Variants in DAB1 observed in about 807,000 individuals in gnomAD.
DAB1 encodes the protein disabled homolog 1.
A neutral mutation model predicts 64.6 loss-of-function variants in DAB1; 15 were observed. The observed-to-expected ratio is 0.23, with a 90% CI of 0.16 to 0.36. The LOEUF is 0.36. Ranked by LOEUF, DAB1 falls within the 10% of genes least tolerant of loss-of-function variation. The pLI is 1.00. For missense variants in DAB1, 596 were observed against 706.7 expected (o/e 0.84, Z 1.78); for synonymous variants, 235 against 251.9 (o/e 0.93, Z 0.64).
At chr1:57,305,242 G>A (rs142316273) in intron 1 of DAB1, among the ~76,000 whole-genome samples, 2 of 152,254 alleles carry the variant, frequency 1.3e-5, no homozygotes, top group African/African-American at 4.8e-5. Context: ...AGACCAGGAG[G>A]GAACCCTGTA....
chr1:58,160,554 C>G (rs1367345433), intron 4 of DAB1, among the ~76,000 whole-genome samples: 1 of 152,126 alleles, frequency 6.6e-6, no homozygotes, highest in African/African-American at 2.4e-5. Flanking sequence ...CAGCCAGATA[C>G]ACACGGGCTG....
chr1:57,179,181 A>G (rs569968490), intron 2 of DAB1, among the ~76,000 whole-genome samples: 1 of 152,146 alleles, frequency 6.6e-6, no homozygotes, highest in South Asian at 2.1e-4. Flanking sequence ...GGATTAGGAA[A>G]GAGGTCTACA....
intron 5 of DAB1, among the ~76,000 whole-genome samples, chr1:58,140,617 T>G (rs2100713954): frequency 6.6e-6 from 1 of 152,216 alleles, no homozygotes; most frequent in South Asian, 2.1e-4. Context: ...ATTTTGCCCT[T>G]CCCTGTTTAA....
intron 1 of DAB1, among the ~76,000 whole-genome samples, chr1:58,535,143 G>A (rs1309041952): frequency 1.3e-5 from 2 of 152,120 alleles, no homozygotes; most frequent in Non-Finnish European, 2.9e-5. Flanking sequence ...CAGAACTAAT[G>A]AGCATTATCA....
intron 4 of DAB1, among the ~76,000 whole-genome samples, chr1:58,174,947 A>G (rs1483762525): frequency 6.6e-6 from 1 of 152,230 alleles, no homozygotes; most frequent in African/African-American, 2.4e-5. Flanking sequence ...GTCTAGCTAA[A>G]GGACTGTAAA....
chr1:58,070,396 C>T (rs1649159663), intron 5 of DAB1, among the ~76,000 whole-genome samples: 1 of 152,152 alleles, frequency 6.6e-6, no homozygotes, highest in Non-Finnish European at 1.5e-5. Context: ...ATCACAACAA[C>T]CCCATGAGAG....
chr1:58,229,137 T>TC (rs1396988414), intron 4 of DAB1: 1 of 168,410 alleles, frequency 5.9e-6, no homozygotes, highest in Non-Finnish European at 1.3e-5. Context: ...TGATTATTAC[T>TC]CTTTTTTTTC....
intron 3 of DAB1, among the ~76,000 whole-genome samples, chr1:58,398,144 A>G (rs1327145116): frequency 6.6e-6 from 1 of 152,092 alleles, no homozygotes; most frequent in African/African-American, 2.4e-5. Context: ...TCCCCACATA[A>G]AAGCATGCAG....
intron 2 of DAB1, among the ~76,000 whole-genome samples, chr1:58,525,555 G>A (rs376299508): frequency 7.2e-5 from 11 of 151,796 alleles, no homozygotes; most frequent in African/African-American, 2.7e-4. Context: ...AAAACATCGA[G>A]AAAAATTAAA....
At chr1:57,481,421 A>G (rs891986719) in intron 7 of DAB1, among the ~76,000 whole-genome samples, 8 of 152,124 alleles carry the variant, frequency 5.3e-5, no homozygotes, top group Non-Finnish European at 8.8e-5. Context: ...TTATTCACAT[A>G]TATTCTTCTG....
intron 1 of DAB1, chr1:58,530,759 ATTT>A: frequency 1.2e-6 from 1 of 862,660 alleles, no homozygotes; most frequent in Non-Finnish European, 2.0e-6. Flanking sequence ...TAAAAACTAC[ATTT>A]TATACATTGA....
chr1:58,068,952 G>A (rs894322596), intron 5 of DAB1, among the ~76,000 whole-genome samples: 1 of 152,052 alleles, frequency 6.6e-6, no homozygotes, highest in Non-Finnish European at 1.5e-5. Context: ...TGGGCTTCAC[G>A]AGGCTTTCAG....
intron 3 of DAB1, among the ~76,000 whole-genome samples, chr1:58,385,106 A>G (rs1644422158): frequency 6.6e-6 from 1 of 152,268 alleles, no homozygotes; most frequent in African/African-American, 2.4e-5. Context: ...CACACAAACA[A>G]CAACAAAAAA....
chr1:57,050,001 TG>T (rs2100521654), intron 9 of DAB1, among the ~76,000 whole-genome samples: 1 of 152,240 alleles, frequency 6.6e-6, no homozygotes, highest in East Asian at 1.9e-4. Context: ...CACTGGGCAG[TG>T]CTCTCTCTCT....
chr1:57,847,499 C>T (rs75743337), intron 1 of DAB1, among the ~76,000 whole-genome samples: 2,739 of 152,068 alleles, frequency 0.018, 79 homozygotes, highest in African/African-American at 0.063. Context: ...CCATATGCTG[C>T]TTACAAAAGA....
chr1:57,925,385 G>A (rs1424378794), intron 5 of DAB1, among the ~76,000 whole-genome samples: 1 of 152,060 alleles, frequency 6.6e-6, no homozygotes, highest in Non-Finnish European at 1.5e-5. Context: ...GCATGCAATG[G>A]GTCACACTTG....
chr1:58,092,934 G>C (rs1200490889), intron 5 of DAB1, among the ~76,000 whole-genome samples: 1 of 152,166 alleles, frequency 6.6e-6, no homozygotes, highest in Non-Finnish European at 1.5e-5. Context: ...TCTGCAGCCA[G>C]AGTAACGTTT....
At chr1:57,885,876 A>G (rs1385675184), upstream of DAB1, among the ~76,000 whole-genome samples, 1 of 152,246 alleles carries the variant, frequency 6.6e-6, no homozygotes, top group African/African-American at 2.4e-5. Context: ...GGAAAAAGTT[A>G]TGATGACTAA....
chr1:57,573,928 CTTGA>C (rs1645220190), intron 7 of DAB1, among the ~76,000 whole-genome samples: 1 of 152,106 alleles, frequency 6.6e-6, no homozygotes, highest in Non-Finnish European at 1.5e-5. Flanking sequence ...AAACACTCTC[CTTGA>C]TTATTGAGAA....
Sources: allele counts gnomAD v4.1 joint callset (sites outside exome capture counted in the v4.1 genomes callset), GRCh38; gene constraint gnomAD v4.1.1; transcripts MANE v1.5; gene names NCBI Gene and HGNC (gene_info 2026-07-23, HGNC 2026-07-21).